CLCNKA: variants seen among roughly 807,000 people sequenced by gnomAD.
The protein encoded by CLCNKA is chloride channel protein ClC-Ka.
Under a neutral mutation model 83.3 loss-of-function variants are expected in CLCNKA, and 66 were observed. The ratio of observed to expected loss-of-function variants is 0.79; its 90% CI spans 0.65 to 0.97. The LOEUF is 0.97. Among genes scored for constraint, CLCNKA ranks in the 50% least tolerant of loss-of-function variants. The pLI, the probability that CLCNKA is intolerant of heterozygous loss-of-function variation, is 0.00. For missense variants in CLCNKA, 806 were observed against 888.7 expected (o/e 0.91, Z 1.18); for synonymous variants, 357 against 370.4 (o/e 0.96, Z 0.42).
intron 2 of CLCNKA, among the ~76,000 whole-genome samples, chr1:16,023,513 C>T (rs1163914699): frequency 6.6e-6 from 1 of 152,220 alleles, no homozygotes; most frequent in East Asian, 1.9e-4. Context: ...CAAATCCTGC[C>T]CAGCCCCCAG....
chr1:16,028,742 G>A lies in CLCNKA; in HGVS notation c.969-19G>A. On this transcript the variant is annotated intron_variant, in intron 10 of 19. Transcript: ENST00000331433. ...TAGGAAAGGGAGGGCCAGCCCTAGA[G>A]CTCACCCACCCCCCACAGCAAGCCT... 1 of 1,613,964 alleles carries A rather than the reference G, an allele frequency of 6.2e-7. No individual in the cohort carries two copies. Among genetic ancestry groups the A allele is most frequent in the Admixed American group, 1.7e-5 (1 of 60,010 alleles).
In CLCNKA at chr1:16,025,991, C is replaced by A. The variant is rs61299694; in HGVS notation, c.359-117C>A. ...GGCTGGTCTCGAACTCCTGACCTCG[C>A]GATCCGCCTGCCTCGGCCTCCCAAA... On this transcript the variant is annotated intron_variant, in intron 4 of 19. Transcript: ENST00000331433. The A allele has an allele frequency of 8.5e-3, 11,656 of 1,372,630 alleles. 784 individuals carry two copies. In the African/African-American group the frequency reaches 0.14, roughly 17 times the overall value. The allele number at this position is 1,372,630 out of a possible 1,614,324, so 85.0% of individuals were successfully genotyped here.
intron 2 of CLCNKA, 62 bp downstream of exon 2, chr1:16,022,781 C>G: frequency 8.3e-7 from 1 of 1,203,058 alleles, no homozygotes; most frequent in Non-Finnish European, 1.1e-6. Flanking sequence ...TCCTGCCTGG[C>G]TCCCACCCCA....
At chr1:16,024,362 A>G (rs2022265134) in intron 3 of CLCNKA, among the ~76,000 whole-genome samples, 1 of 152,202 alleles carries the variant, frequency 6.6e-6, no homozygotes, top group Non-Finnish European at 1.5e-5. Flanking sequence ...CTTTCTCTGG[A>G]GACCCTCAGC....
At chr1:16,026,833 T>A (rs1307714948) in intron 7 of CLCNKA, 58 bp downstream of exon 7, 1 of 1,599,408 alleles carries the variant, frequency 6.3e-7, no homozygotes, top group Non-Finnish European at 8.6e-7. Flanking sequence ...CCTCACACCC[T>A]GGGCTCCCTC....
intron 8 of CLCNKA, 45 bp from the exon 9 acceptor site, chr1:16,027,776 C>T (rs769813998): frequency 3.9e-6 from 6 of 1,530,172 alleles, no homozygotes; most frequent in South Asian, 1.2e-5. Flanking sequence ...GAGTTTGGGT[C>T]GGGTGGGAGC....
intron 15 of CLCNKA, 46 bp downstream of exon 15, chr1:16,030,720 T>C (rs375291569): frequency 7.4e-6 from 12 of 1,611,084 alleles, no homozygotes; most frequent in Admixed American, 1.7e-5. Context: ...TCACAGTGTT[T>C]GGGCTTGGCT....
intron 4 of CLCNKA, among the ~76,000 whole-genome samples, chr1:16,025,541 A>G (rs1249687955): frequency 6.6e-6 from 1 of 152,092 alleles, no homozygotes; most frequent in Non-Finnish European, 1.5e-5. Flanking sequence ...AAAGTTAGCC[A>G]GGTGTGGTGG....
At chr1:16,032,554 C>G in intron 18 of CLCNKA, 28 bp downstream of exon 18, 4 of 1,559,602 alleles carry the variant, frequency 2.6e-6, no homozygotes, top group Middle Eastern at 1.7e-4. Flanking sequence ...GTGTGACACA[C>G]GCAGCCCCCG....
intron 5 of CLCNKA, 131 bp downstream of exon 5, chr1:16,026,378 G>A: frequency 3.4e-6 from 5 of 1,470,850 alleles, no homozygotes; most frequent in Non-Finnish European, 4.7e-6. Flanking sequence ...CTCAGTCTTA[G>A]GGGAAGAGCC....
chr1:16,029,009 C>T (rs1570306308), intron 11 of CLCNKA, 117 bp from the exon 12 acceptor site: 10 of 1,527,178 alleles, frequency 6.5e-6, no homozygotes, highest in East Asian at 2.3e-5. Context: ...CTGCCCAAGG[C>T]CCCCCGCTGG....
chr1:16,028,089 A>G lies in CLCNKA; in HGVS notation c.938A>G (p.Asn313Ser), dbSNP rs754069601. ...QRTFLSFIKT[N>S]RYSSKLLATS... ...ACCTTCCTCAGCTTCATCAAGACCA[A>G]TCGGTACAGCTCCAAACTGCTGGCT... Residue 313 changes from asparagine (N) to serine (S), a missense_variant, in exon 10 of 20, where the codon AAT becomes AGT. By Grantham distance (46) the Asn-to-Ser change is conservative (BLOSUM62 1). Coordinates refer to ENST00000331433, the MANE Select transcript of CLCNKA (RefSeq NM_004070.4). 6.4e-7 allele frequency: 1 copy of G among 1,572,520 alleles called. No individual in the cohort carries two copies. The highest frequency in any genetic ancestry group is 8.7e-7 in the Non-Finnish European group (1 of 1,143,110).
In CLCNKA at chr1:16,032,223, A is replaced by G; in HGVS notation, c.1777A>G (p.Ile593Val). The G allele has an allele frequency of 1.9e-6, 3 of 1,608,608 alleles. No homozygotes were observed. Among genetic ancestry groups the G allele is most frequent in the East Asian group, 2.2e-5 (1 of 44,578 alleles). ...GCCAGAGTCCCAGATCCTGGTAGGCATCGTGCAGAGGGCCCAGCTGGTGCA... is the reference window on the plus strand; with the variant it reads ...GCCAGAGTCCCAGATCCTGGTAGGCGTCGTGCAGAGGGCCCAGCTGGTGCA... ...ESTESQILVGIVQRAQLVQAL... is the reference protein window; with the variant it reads ...ESTESQILVGVVQRAQLVQAL... Residue 593 changes from isoleucine to valine, a missense_variant, in exon 17 of 20, where the codon ATC becomes GTC. Transcript: ENST00000331433.
intron 4 of CLCNKA, 78 bp from the exon 5 acceptor site, chr1:16,026,030 A>G: frequency 6.3e-7 from 1 of 1,594,706 alleles, no homozygotes; most frequent in South Asian, 1.1e-5. Flanking sequence ...CTGGGATTAC[A>G]GGCGTGAGCC....
At chr1:16,032,676 GCCGTCGC>G in intron 18 of CLCNKA, 150 bp downstream of exon 18, 1 of 685,456 alleles carries the variant, frequency 1.5e-6, no homozygotes, top group East Asian at 2.6e-5. Flanking sequence ...GGCAGCTCCT[GCCGTCGC>G]CCCTCACTGC....
chr1:16,025,246 A>G (rs537214632), intron 4 of CLCNKA, among the ~76,000 whole-genome samples: 15 of 152,310 alleles, frequency 9.8e-5, no homozygotes, highest in Admixed American at 5.2e-4. Flanking sequence ...GGTTCTGTTC[A>G]GAGCTCCCCC....
chr1:16,024,797 C>T lies in CLCNKA; in HGVS notation c.264C>T (p.Ser88=), dbSNP rs2022281085. The T allele has an allele frequency of 1.2e-6, 2 of 1,613,970 alleles. No individual in the cohort carries two copies. Among genetic ancestry groups the T allele is most frequent in the Admixed American group, 3.3e-5 (2 of 59,998 alleles). Residue 88 remains serine (S), a synonymous_variant, in exon 4 of 20, where the codon AGC becomes AGT. Transcript: ENST00000331433. ...HQWLYREIGD[S]HLLRYLSWTV... ...GGCTGTACAGGGAGATTGGGGACAG[C>T]CACCTGCTCCGGTATCTTTCCTGGA...
intron 12 of CLCNKA, 98 bp downstream of exon 12, chr1:16,029,397 C>T (rs111314789): frequency 6.3e-5 from 98 of 1,559,256 alleles, no homozygotes; most frequent in Admixed American, 2.5e-4. Flanking sequence ...GGAGCCCAGG[C>T]CTCTCACCCA....
intron 7 of CLCNKA, 72 bp downstream of exon 7, chr1:16,026,847 C>T (rs1241520778): frequency 7.1e-5 from 112 of 1,580,408 alleles, no homozygotes; most frequent in Non-Finnish European, 9.1e-5. Flanking sequence ...CTCCCTCGGC[C>T]CAGCTGAGAG....
Sources: gnomAD v4.1 joint callset for allele counts (sites outside exome capture counted in the v4.1 genomes callset) on GRCh38, gnomAD v4.1.1 for gene constraint, MANE v1.5 for transcripts, NCBI Gene and HGNC (gene_info 2026-07-23, HGNC 2026-07-21) for gene names.